The following MED27 variants were observed in gnomAD, a reference collection of about 807,000 sequenced individuals.
The protein encoded by MED27 is mediator of RNA polymerase II transcription subunit 27.
A neutral mutation model predicts 38.2 loss-of-function variants in MED27; 30 were observed. The ratio of observed to expected loss-of-function variants is 0.79; its 90% CI spans 0.59 to 1.07. The LOEUF is 1.07. Ranked by LOEUF, MED27 falls within the 50% of genes least tolerant of loss-of-function variation. The pLI is 0.00. For synonymous variants in MED27, 122 were observed against 153.5 expected (o/e 0.79, Z 1.52); for missense variants, 289 against 397.5 (o/e 0.73, Z 2.32).
chr9:132,006,943 T>C (rs1832371746), intron 3 of MED27, among the ~76,000 whole-genome samples: 1 of 152,198 alleles, frequency 6.6e-6, no homozygotes, highest in Non-Finnish European at 1.5e-5. Flanking sequence ...ACCACACATC[T>C]TGGAAAGGAT....
At chr9:131,988,375 C>T (rs553193672) in intron 3 of MED27, among the ~76,000 whole-genome samples, 172 of 152,218 alleles carry the variant, frequency 1.1e-3, no homozygotes, top group Middle Eastern at 6.8e-3. Flanking sequence ...GGGTTTGAAC[C>T]GCATGAGTCC....
At chr9:131,969,609 G>T (rs1168377962) in intron 3 of MED27, among the ~76,000 whole-genome samples, 1 of 152,152 alleles carries the variant, frequency 6.6e-6, no homozygotes, top group Non-Finnish European at 1.5e-5. Context: ...CTAGGCCGCT[G>T]CTATTCTAGC....
At chr9:131,938,896 G>A (rs1277932963) in intron 4 of MED27, among the ~76,000 whole-genome samples, 1 of 152,000 alleles carries the variant, frequency 6.6e-6, no homozygotes, top group Non-Finnish European at 1.5e-5. Flanking sequence ...TGTATTTTTA[G>A]TAGAGATGGG....
chr9:131,926,888 C>T (rs928574504), intron 4 of MED27, among the ~76,000 whole-genome samples: 11 of 152,034 alleles, frequency 7.2e-5, no homozygotes, highest in Admixed American at 7.2e-4. Flanking sequence ...GATAAAATAC[C>T]AATATATATT....
At chr9:131,955,159 T>C (rs2130990140) in intron 3 of MED27, among the ~76,000 whole-genome samples, 1 of 151,890 alleles carries the variant, frequency 6.6e-6, no homozygotes, top group Non-Finnish European at 1.5e-5. Flanking sequence ...TATTCAGAAA[T>C]TAAACACACT....
chr9:132,016,302 G>A (rs1321371206), intron 2 of MED27, among the ~76,000 whole-genome samples: 1 of 152,192 alleles, frequency 6.6e-6, no homozygotes, highest in African/African-American at 2.4e-5. Context: ...TGGAGCATCC[G>A]TACTGCTTTT....
chr9:131,890,807 A>G (rs1266601354), intron 5 of MED27, among the ~76,000 whole-genome samples: 3 of 152,168 alleles, frequency 2.0e-5, no homozygotes, highest in African/African-American at 7.2e-5. Flanking sequence ...CTCCATGTGT[A>G]AGATGAGTCT....
At chr9:131,995,915 G>A (rs1301584018) in intron 3 of MED27, among the ~76,000 whole-genome samples, 1 of 152,098 alleles carries the variant, frequency 6.6e-6, no homozygotes, top group Non-Finnish European at 1.5e-5. Context: ...GGGAGTCAAG[G>A]GGAGGAAGCA....
chr9:131,918,565 T>G (rs1295121174), intron 4 of MED27, among the ~76,000 whole-genome samples: 1 of 152,230 alleles, frequency 6.6e-6, no homozygotes. Flanking sequence ...AAATAAAAAC[T>G]ATGTAACATA....
At chr9:131,939,312 A>C in intron 4 of MED27, 69 bp downstream of exon 4, 1 of 967,230 alleles carries the variant, frequency 1.0e-6, no homozygotes, top group Non-Finnish European at 1.6e-6. Context: ...ACAACACAGG[A>C]CCAGAGAGTT....
rs1830316882 is a variant in MED27 at position 131,917,603 on chromosome 9, A to G, written c.573+21778T>C. ...GGACGAGGTAGGCTGATAGCACATCAGGAAGAATGCATGTGGCATTGTGGG... is the reference window on the plus strand; with the variant it reads ...GGACGAGGTAGGCTGATAGCACATCGGGAAGAATGCATGTGGCATTGTGGG... On this transcript the variant is annotated intron_variant, in intron 4 of 7. Transcript: ENST00000292035. This position sits in a 1 kb window ranked among gnomAD's most constrained non-coding sequence, Gnocchi z 4.6. 6.6e-6 allele frequency among the ~76,000 whole-genome samples: 1 copy of G among 152,230 alleles called. No individual in the cohort carries two copies. The highest frequency in any genetic ancestry group is 1.5e-5 in the Non-Finnish European group (1 of 68,048).
At position 131,862,949 on chromosome 9, in the gene MED27, CCCACTGG is replaced by C; in HGVS notation, c.801+107_801+113del. On this transcript the variant is annotated intron_variant, in intron 7 of 7. Coordinates refer to ENST00000292035, the MANE Select transcript of MED27 (RefSeq NM_004269.4). The surrounding 1 kb of genome is among the most constrained non-coding windows in gnomAD (Gnocchi z 4.6). ...CAGTTTTAAACTGGCAGCCCCATCTCCCACTGGGAGGCCCTCAAAGTCTGAAGATGCA... is the reference window on the plus strand; with the variant it reads ...CAGTTTTAAACTGGCAGCCCCATCTCGAGGCCCTCAAAGTCTGAAGATGCA... 5 of 812,338 alleles carry C rather than the reference CCCACTGG, an allele frequency of 6.2e-6. No homozygotes were observed. In the South Asian group the frequency reaches 9.0e-5, roughly 15 times the overall value. 50.3% of individuals were successfully genotyped at this position (812,338 alleles called of 1,614,324 possible).
At chr9:131,867,056 C>T (rs1838748647) in intron 6 of MED27, among the ~76,000 whole-genome samples, 1 of 152,216 alleles carries the variant, frequency 6.6e-6, no homozygotes, top group Non-Finnish European at 1.5e-5. Context: ...CCATCTCAAT[C>T]CTCATATCTG....
intron 6 of MED27, among the ~76,000 whole-genome samples, chr9:131,871,226 C>T (rs1303116038): frequency 6.6e-6 from 1 of 152,126 alleles, no homozygotes; most frequent in African/African-American, 2.4e-5. Context: ...ACGCTTTTTC[C>T]TACTCAGGCC....
intron 3 of MED27, among the ~76,000 whole-genome samples, chr9:131,976,209 G>A (rs1383848928): frequency 6.6e-6 from 1 of 152,052 alleles, no homozygotes; most frequent in Non-Finnish European, 1.5e-5. Flanking sequence ...TAATTATAAG[G>A]GAAAAAATGG....
rs1221454373 is a variant in MED27 at position 131,862,515 on chromosome 9, C to T, written c.801+548G>A. Among the ~76,000 whole-genome samples the T allele has an allele frequency of 6.6e-6, 1 of 152,142 alleles. No individual in the cohort carries two copies. On this transcript the variant is annotated intron_variant, in intron 7 of 7. Coordinates refer to ENST00000292035, the MANE Select transcript of MED27 (RefSeq NM_004269.4). This position sits in a 1 kb window ranked among gnomAD's most constrained non-coding sequence, Gnocchi z 4.6. ...GGGAAGTCCTGACTTGCAGTGTTTG[C>T]CGATTTCCGTGGTGTCAACACTCCC...
chr9:132,031,011 G>T (rs779077297), intron 2 of MED27, among the ~76,000 whole-genome samples: 1 of 152,252 alleles, frequency 6.6e-6, no homozygotes. Context: ...GGGAGAAGTC[G>T]ATTTTTAAAA....
chr9:131,878,766 T>C (rs911972899), intron 6 of MED27, among the ~76,000 whole-genome samples: 2 of 152,194 alleles, frequency 1.3e-5, no homozygotes, highest in Admixed American at 6.5e-5. Context: ...CAGAAAAATA[T>C]GAACACGCTT....
chr9:132,042,044 C>T (rs144126031), intron 2 of MED27, among the ~76,000 whole-genome samples: 220 of 152,258 alleles, frequency 1.4e-3, no homozygotes, highest in African/African-American at 4.8e-3. Context: ...TGACAAAGTA[C>T]GTGATCTAGA....
Sources: allele counts gnomAD v4.1 joint callset (sites outside exome capture counted in the v4.1 genomes callset), GRCh38; gene constraint gnomAD v4.1.1; non-coding constraint Gnocchi (gnomAD v3.1); transcripts MANE v1.5; gene names NCBI Gene and HGNC (gene_info 2026-07-23, HGNC 2026-07-21).